FMC1: variants seen among roughly 807,000 people sequenced by gnomAD.
The protein encoded by FMC1 is formation of mitochondrial complex V assembly factor 1.
In FMC1, 6 loss-of-function variants were observed where a neutral mutation model predicts 10.5. The ratio of observed to expected loss-of-function variants is 0.57; its 90% CI spans 0.31 to 1.12. FMC1 has a LOEUF of 1.12. FMC1 is among the 50% of genes most tolerant of loss of function. The pLI is 0.05. For synonymous variants in FMC1, 59 were observed against 62.1 expected, an observed-to-expected ratio of 0.95 and a Z score of 0.24; for missense variants, 146 against 151.7, an observed-to-expected ratio of 0.96 and a Z score of 0.20.
chr7:139,345,632 G>T lies in FMC1; in HGVS notation c.270G>T (p.Ser90=). ...AATTTCATGGCAAGGGTGAGCGCTC[G>T]GTGGAGGAGTCTGCTGGCTTGGTGG... The part of the protein sequence containing the change: ...HQEFHGKGER[S]VEESAGLVGL... Residue 90 remains serine, a synonymous_variant, in exon 2 of 2, where the codon TCG becomes TCT. Transcript: ENST00000297534. 1.2e-6 allele frequency: 2 copies of T among 1,614,146 alleles called. No homozygotes were observed. The highest frequency in any genetic ancestry group is 1.1e-5 in the South Asian group (1 of 91,072).
At chr7:139,344,073 C>T (rs1799138958) in intron 1 of FMC1, among the ~76,000 whole-genome samples, 1 of 152,018 alleles carries the variant, frequency 6.6e-6, no homozygotes, top group South Asian at 2.1e-4. Context: ...TTTCTCACAG[C>T]CTTGAATACA....
chr7:139,341,179 C>A, upstream of FMC1: 1 of 794,926 alleles, frequency 1.3e-6, no homozygotes, highest in Non-Finnish European at 1.8e-6. Context: ...AGTTAACAGT[C>A]GGGTTTCGTT....
At chr7:139,340,544 ACTTTTGTTCTC>A (rs1483179946), upstream of FMC1, 2 of 398,364 alleles carry the variant, frequency 5.0e-6, no homozygotes, top group African/African-American at 4.1e-5. Context: ...GGTGATGTGG[ACTTTTGTTCTC>A]TAACTACAAC....
At position 139,344,229 on chromosome 7, in the gene FMC1, A is replaced by G. The variant is rs924920146; in HGVS notation, c.139-1272A>G. On this transcript the variant is annotated intron_variant, in intron 1 of 1. Transcript: ENST00000297534. Reference sequence around the variant, plus strand: ...CCAGAGTTTTCAAGATGGATAAGCAAATTGTAAGAGCGAGAATAGCCATTC... The same window carrying G: ...CCAGAGTTTTCAAGATGGATAAGCAGATTGTAAGAGCGAGAATAGCCATTC... 1.3e-3 allele frequency among the ~76,000 whole-genome samples: 204 copies of G among 152,294 alleles called. 2 individuals are homozygous for G. Among genetic ancestry groups the G allele is most frequent in the Non-Finnish European group, 1.9e-4 (13 of 68,022 alleles).
upstream of FMC1, among the ~76,000 whole-genome samples, chr7:139,340,826 C>T (rs907083045): frequency 2.0e-5 from 3 of 147,510 alleles, no homozygotes; most frequent in Non-Finnish European, 3.0e-5. Flanking sequence ...AATATGCCAA[C>T]TTTACTTTTT....
upstream of FMC1, chr7:139,341,257 C>A (rs1798938894): frequency 2.1e-6 from 3 of 1,441,516 alleles, no homozygotes; most frequent in Admixed American, 2.3e-5. Context: ...TGAGCGGTTC[C>A]ACTGCTCGTC....
At chr7:139,340,679 G>A (rs764912495), upstream of FMC1, 7 of 394,612 alleles carry the variant, frequency 1.8e-5, no homozygotes, top group African/African-American at 6.2e-5. Flanking sequence ...AATATGTTGT[G>A]TGAGCGCGTC....
Position 139,345,490 on chromosome 7 carries a change from T to A in FMC1, c.139-11T>A. 6.2e-7 allele frequency: 1 copy of A among 1,614,134 alleles called. No individual in the cohort carries two copies. Among genetic ancestry groups the A allele is most frequent in the Non-Finnish European group, 8.5e-7 (1 of 1,179,976 alleles). On this transcript the variant is annotated splice_polypyrimidine_tract_variant and intron_variant, in intron 1 of 1. Coordinates refer to ENST00000297534, the MANE Select transcript of FMC1 (RefSeq NM_197964.5). The stretch of plus-strand genomic sequence containing the variant: ...GCTGGGTTAAGAATTTCTGACTTGC[T>A]GCTTCTCTAGGTCACCAGTGAAAAG...
At chr7:139,341,576 G>A in intron 1 of FMC1, 54 bp downstream of exon 1, 2 of 1,591,590 alleles carry the variant, frequency 1.3e-6, no homozygotes, top group Non-Finnish European at 1.7e-6. Context: ...GGAAGAGCCG[G>A]GTCTGGGCTA....
In FMC1 at chr7:139,341,390, G is replaced by A. The variant is rs563299778; in HGVS notation, c.6G>A (p.Ala2=). M[A]ALGSPSHTFR... is the part of the protein sequence containing the mutation. ...GCTCGGAGAAGGACAGGACAATGGC[G>A]GCCTTAGGGTCCCCGTCGCACACTT... Residue 2 remains alanine, a synonymous_variant, in exon 1 of 2, where the codon GCG becomes GCA. Transcript: ENST00000297534. 17 of 1,612,542 alleles carry A rather than the reference G, an allele frequency of 1.1e-5. No homozygotes were observed. In the South Asian group the frequency reaches 1.9e-4, roughly 18 times the overall value.
At chr7:139,345,179 T>A (rs1314378305) in intron 1 of FMC1, among the ~76,000 whole-genome samples, 1 of 152,138 alleles carries the variant, frequency 6.6e-6, no homozygotes, top group Non-Finnish European at 1.5e-5. Flanking sequence ...ATATCTACCA[T>A]TAACCAACCT....
intron 1 of FMC1, chr7:139,344,878 T>TC (rs1220148086): frequency 6.7e-6 from 1 of 150,360 alleles, no homozygotes; most frequent in African/African-American, 2.5e-5. Context: ...AATTTTTTTT[T>TC]TTTTTTTTGG....
intron 1 of FMC1, among the ~76,000 whole-genome samples, chr7:139,344,062 C>G (rs1799138358): frequency 6.6e-6 from 1 of 152,118 alleles, no homozygotes; most frequent in Admixed American, 6.5e-5. Context: ...TTTCCTGCCC[C>G]TTTCTCACAG....
intron 1 of FMC1, among the ~76,000 whole-genome samples, chr7:139,343,647 G>C (rs1799110769): frequency 6.6e-6 from 1 of 152,110 alleles, no homozygotes; most frequent in South Asian, 2.1e-4. Flanking sequence ...TAGAGAAAGG[G>C]GATTAGGCCA....
chr7:139,342,784 G>T (rs1799058795), intron 1 of FMC1, among the ~76,000 whole-genome samples: 1 of 152,154 alleles, frequency 6.6e-6, no homozygotes, highest in Non-Finnish European at 1.5e-5. Flanking sequence ...TTTTAAGGAG[G>T]TGACATGATT....
In FMC1 at chr7:139,345,986, C is replaced by G. The variant is rs1398202657; in HGVS notation, c.*282C>G. 1 of 204,760 alleles carries G rather than the reference C, an allele frequency of 4.9e-6. No individual in the cohort carries two copies. The highest frequency in any genetic ancestry group is 9.8e-6 in the Non-Finnish European group (1 of 102,358). 12.7% of individuals were successfully genotyped at this position (204,760 alleles called of 1,614,324 possible). ...GGCACGGTGGCTCACGCCTGTAATCCCAGCACTTTGGGAGGCCAAGGCAGG... is the reference window on the plus strand; with the variant it reads ...GGCACGGTGGCTCACGCCTGTAATCGCAGCACTTTGGGAGGCCAAGGCAGG... On this transcript the variant is annotated 3_prime_UTR_variant, in exon 2 of 2. Coordinates refer to ENST00000297534, the MANE Select transcript of FMC1 (RefSeq NM_197964.5).
chr7:139,344,732 T>C (rs1267898624), intron 1 of FMC1, among the ~76,000 whole-genome samples: 1 of 144,066 alleles, frequency 6.9e-6, no homozygotes, highest in Non-Finnish European at 1.5e-5. Flanking sequence ...AGATGGAGTC[T>C]CCTTCTGTTA....
At position 139,341,444 on chromosome 7, in the gene FMC1, C is replaced by T. The variant is rs776084824; in HGVS notation, c.60C>T (p.Tyr20=). The change falls in exon 1 of 2, where the codon TAC becomes TAT. Residue 20 remains tyrosine (Y), a synonymous_variant. Coordinates refer to ENST00000297534, the MANE Select transcript of FMC1 (RefSeq NM_197964.5). Reference sequence around the variant, plus strand: ...GAGGACTTCTGCGGGAGTTGCGCTACCTGAGCGCGGCCACCGGCCGACCCT... The same window carrying T: ...GAGGACTTCTGCGGGAGTTGCGCTATCTGAGCGCGGCCACCGGCCGACCCT... The part of the protein sequence containing the change: ...TFRGLLRELR[Y]LSAATGRPYR... 10 of 1,613,492 alleles carry T rather than the reference C, an allele frequency of 6.2e-6. No homozygotes were observed. The highest frequency in any genetic ancestry group is 5.5e-5 in the South Asian group (5 of 91,084).
chr7:139,345,366 C>T, intron 1 of FMC1, 135 bp from the exon 2 acceptor site: 1 of 1,333,696 alleles, frequency 7.5e-7, no homozygotes. Context: ...ATTAAGTATA[C>T]ATGTATATAC....
Sources: gnomAD v4.1 joint callset for allele counts (sites outside exome capture counted in the v4.1 genomes callset) on GRCh38, gnomAD v4.1.1 for gene constraint, MANE v1.5 for transcripts, NCBI Gene and HGNC (gene_info 2026-07-23, HGNC 2026-07-21) for gene names.